The following THUMPD2 variants were observed in gnomAD, a reference collection of about 807,000 sequenced individuals.
THUMPD2 encodes THUMP domain 2 tRNA and snRNA guanosine methyltransferase.
Under a neutral mutation model 49.4 loss-of-function variants are expected in THUMPD2, and 56 were observed. The ratio of observed to expected loss-of-function variants is 1.13; its 90% CI spans 0.91 to 1.41. The LOEUF is 1.41. Ranked by LOEUF, THUMPD2 falls within the 40% of genes most tolerant of loss-of-function variation. The pLI, the probability that THUMPD2 is intolerant of heterozygous loss-of-function variation, is 0.00. For synonymous variants in THUMPD2, 237 were observed against 205.2 expected (o/e 1.15, Z -1.32); for missense variants, 709 against 594.5 (o/e 1.19, Z -2.00).
intron 2 of THUMPD2, among the ~76,000 whole-genome samples, chr2:39,771,180 G>C (rs960294231): frequency 6.6e-6 from 1 of 151,968 alleles, no homozygotes; most frequent in Admixed American, 6.6e-5. Flanking sequence ...ATGCATTTTG[G>C]ATTAGTTCAT....
intron 4 of THUMPD2, 55 bp downstream of exon 4, chr2:39,768,369 A>C (rs974279757): frequency 5.1e-6 from 7 of 1,379,888 alleles, no homozygotes; most frequent in African/African-American, 1.4e-5. Flanking sequence ...AATACAGGAC[A>C]CTGTCTTTAA....
rs763692469 is a variant in THUMPD2, at chr2:39,779,209, C to A, written c.31G>T (p.Gly11Trp). Reference sequence around the variant, plus strand: ...AAGAATCGGGCGCCAGCCTCAGGCCCGGACCCTGGCTCTCCACGCGCCTCC... The same window carrying A: ...AAGAATCGGGCGCCAGCCTCAGGCCAGGACCCTGGCTCTCCACGCGCCTCC... The part of the protein sequence containing the change: MSEARGEPGS[G>W]PEAGARFFCT... The change falls in exon 1 of 10, where the codon GGG becomes TGG. Residue 11 changes from glycine (G) to tryptophan (W), a missense_variant. Transcript: ENST00000505747. 4 of 1,506,688 alleles carry A rather than the reference C, an allele frequency of 2.7e-6. No individual in the cohort carries two copies. The highest frequency in any genetic ancestry group is 2.7e-5 in the East Asian group (1 of 36,768). The allele number at this position is 1,506,688 out of a possible 1,614,324, so 93.3% of individuals were successfully genotyped here. A position where few individuals can be genotyped will look rare whatever the true frequency, so the allele number is the denominator to read the frequency against.
intron 9 of THUMPD2, among the ~76,000 whole-genome samples, chr2:39,743,650 TC>T (rs1558489565): frequency 6.6e-6 from 1 of 152,108 alleles, no homozygotes; most frequent in African/African-American, 2.4e-5. Flanking sequence ...GCCTGGCACC[TC>T]CCCCTTCTCC....
At chr2:39,748,666 GAC>G (rs963995961) in intron 8 of THUMPD2, among the ~76,000 whole-genome samples, 27 of 151,558 alleles carry the variant, frequency 1.8e-4, no homozygotes, top group African/African-American at 6.5e-4. Flanking sequence ...CCAGCCTGGC[GAC>G]AGAGTGAGAG....
chr2:39,753,160 A>T (rs72938105), intron 8 of THUMPD2, among the ~76,000 whole-genome samples: 3,448 of 152,140 alleles, frequency 0.023, 120 homozygotes, highest in African/African-American at 0.078. Flanking sequence ...TCCCATTTCT[A>T]TGCTCTCCTC....
intron 9 of THUMPD2, among the ~76,000 whole-genome samples, chr2:39,742,785 G>A (rs1297169828): frequency 1.3e-5 from 2 of 152,174 alleles, no homozygotes; most frequent in African/African-American, 2.4e-5. Context: ...TTAAGTTAGC[G>A]CCTTCGTGGG....
Position 39,765,225 on chromosome 2 carries a change from T to C in THUMPD2, c.803+832A>G, listed in dbSNP as rs1677354739. Among the ~76,000 whole-genome samples the C allele has an allele frequency of 2.6e-5, 4 of 152,176 alleles. No homozygotes were observed. The South Asian group carries it at 8.3e-4, about 31-fold the overall frequency. ...CCCACGCTGGAGTGCAATGGCATGA[T>C]TCTGGCTCATGGCCACCTCCGCCTC... On this transcript the variant is annotated intron_variant, in intron 5 of 9. Coordinates refer to ENST00000505747, the MANE Select transcript of THUMPD2 (RefSeq NM_025264.5).
chr2:39,758,398 A>G (rs865941666), intron 6 of THUMPD2, among the ~76,000 whole-genome samples: 1 of 152,230 alleles, frequency 6.6e-6, no homozygotes, highest in Non-Finnish European at 1.5e-5. Context: ...AGTGATGCTC[A>G]GACCTAGAGG....
chr2:39,776,377 T>C lies in THUMPD2; in HGVS notation c.126+2737A>G, dbSNP rs570422219. 5.3e-4 allele frequency among the ~76,000 whole-genome samples: 80 copies of C among 149,706 alleles called. 1 individual carries two copies. Among genetic ancestry groups the C allele is most frequent in the African/African-American group, 1.7e-3 (69 of 40,958 alleles). On this transcript the variant is annotated intron_variant, in intron 1 of 9. Coordinates refer to ENST00000505747, the MANE Select transcript of THUMPD2 (RefSeq NM_025264.5). ...TAGAGGAACATGTTAAACTACACCA[T>C]AGAGACTCAGTATACTATTTTTTTT...
At chr2:39,758,182 A>C (rs1676379766) in intron 6 of THUMPD2, among the ~76,000 whole-genome samples, 1 of 152,208 alleles carries the variant, frequency 6.6e-6, no homozygotes, top group African/African-American at 2.4e-5. Flanking sequence ...TGATTATATA[A>C]ATTTATATTT....
chr2:39,765,660 C>A (rs1372303126), intron 5 of THUMPD2, among the ~76,000 whole-genome samples: 1 of 151,790 alleles, frequency 6.6e-6, no homozygotes, highest in Admixed American at 6.6e-5. Flanking sequence ...GTTTTCTCCA[C>A]CCTTTCTGTC....
At chr2:39,763,693 G>C (rs1033617413) in intron 5 of THUMPD2, among the ~76,000 whole-genome samples, 11 of 151,474 alleles carry the variant, frequency 7.3e-5, no homozygotes, top group Admixed American at 2.6e-4. Context: ...AATTTTCTTG[G>C]TAATTTTTTT....
chr2:39,762,190 G>A (rs1676906501), intron 5 of THUMPD2, among the ~76,000 whole-genome samples: 1 of 152,148 alleles, frequency 6.6e-6, no homozygotes, highest in African/African-American at 2.4e-5. Flanking sequence ...GGTAAGGTAC[G>A]AAGACATGAT....
At chr2:39,737,086 C>T in intron 9 of THUMPD2, 27 bp from the exon 10 acceptor site, 1 of 1,561,776 alleles carries the variant, frequency 6.4e-7, no homozygotes. Flanking sequence ...ATGGTAATTG[C>T]TATCTTTCTC....
At chr2:39,737,454 A>C (rs1271440432) in intron 9 of THUMPD2, among the ~76,000 whole-genome samples, 1 of 152,238 alleles carries the variant, frequency 6.6e-6, no homozygotes, top group African/African-American at 2.4e-5. Flanking sequence ...AGGAAAAATC[A>C]GAAAAAGAAG....
chr2:39,748,683 T>C (rs928853975), intron 8 of THUMPD2, among the ~76,000 whole-genome samples: 1 of 150,982 alleles, frequency 6.6e-6, no homozygotes, highest in Non-Finnish European at 1.5e-5. Context: ...TGAGAGTCTG[T>C]CTCAAAAAAA....
chr2:39,758,799 AAGG>A (rs1676455905), intron 6 of THUMPD2, among the ~76,000 whole-genome samples: 1 of 152,026 alleles, frequency 6.6e-6, no homozygotes, highest in Non-Finnish European at 1.5e-5. Context: ...AAAAAAAAAA[AAGG>A]AGGAGGTCCC....
intron 9 of THUMPD2, among the ~76,000 whole-genome samples, chr2:39,741,646 G>C (rs566645397): frequency 5.4e-4 from 82 of 152,256 alleles, no homozygotes; most frequent in African/African-American, 2.0e-3. Context: ...GGAAATAATT[G>C]AGCTGAGAAT....
At chr2:39,756,794 G>C (rs747068808) in intron 6 of THUMPD2, among the ~76,000 whole-genome samples, 10 of 152,194 alleles carry the variant, frequency 6.6e-5, no homozygotes, top group Admixed American at 2.0e-4. Flanking sequence ...AGGCTAACTA[G>C]AAGTTGACAT....
Sources: allele counts gnomAD v4.1 joint callset (sites outside exome capture counted in the v4.1 genomes callset), GRCh38; gene constraint gnomAD v4.1.1; transcripts MANE v1.5; gene names NCBI Gene and HGNC (gene_info 2026-07-23, HGNC 2026-07-21).